SDK1: variants seen among roughly 807,000 people sequenced by gnomAD.
SDK1 encodes the protein sidekick cell adhesion molecule 1.
SDK1 carries 157 observed loss-of-function variants against 245.5 expected under a neutral mutation model. The ratio of observed to expected loss-of-function variants is 0.64; its 90% CI spans 0.56 to 0.73. The LOEUF (loss-of-function observed/expected upper bound fraction) is 0.73. Among genes scored for constraint, SDK1 ranks in the 30% least tolerant of loss-of-function variants. SDK1 has a pLI of 0.00. For missense variants in SDK1, 3,583 were observed against 3,002.3 expected, an observed-to-expected ratio of 1.19 and a Z score of -4.52; for synonymous variants, 1,647 against 1,278.5, an observed-to-expected ratio of 1.29 and a Z score of -6.15.
Position 4,099,486 on chromosome 7 carries a change from T to C in SDK1, c.3325-11177T>C, listed in dbSNP as rs186985799. ...TCACAGTCTCAGCGGGCTCCGGGGC[T>C]GGGGGCTGTTCCTGCTGTCAGATGC... On this transcript the variant is annotated intron_variant, in intron 22 of 44. Coordinates refer to ENST00000404826, the MANE Select transcript of SDK1 (RefSeq NM_152744.4). Among the ~76,000 whole-genome samples, 162 of 122,408 alleles carry C rather than the reference T, an allele frequency of 1.3e-3. 1 individual carries two copies. Among genetic ancestry groups the C allele is most frequent in the African/African-American group, 4.7e-3 (154 of 32,680 alleles). The allele number at this position is 122,408 out of a possible 152,430, so 80.3% of individuals were successfully genotyped here. A position where few individuals can be genotyped will look rare whatever the true frequency, so the allele number is the denominator to read the frequency against.
At chr7:3,959,137 C>G (rs1781481216) in intron 8 of SDK1, 123 bp downstream of exon 8, 1 of 789,620 alleles carries the variant, frequency 1.3e-6, no homozygotes, top group Non-Finnish European at 2.2e-6. Context: ...GAGCAGACTT[C>G]AGAGAGTAGA....
intron 4 of SDK1, among the ~76,000 whole-genome samples, chr7:3,725,825 C>G (rs1778991298): frequency 6.6e-6 from 1 of 152,160 alleles, no homozygotes; most frequent in Non-Finnish European, 1.5e-5. Flanking sequence ...GATTTGAAAC[C>G]ACAATTTACT....
In SDK1 at chr7:4,267,589, G is replaced by T; in HGVS notation, c.*2205G>T. 1.0e-6 allele frequency: 1 copy of T among 985,458 alleles called. No homozygotes were observed. Among genetic ancestry groups the T allele is most frequent in the Non-Finnish European group, 1.2e-6 (1 of 829,936 alleles). The allele number at this position is 985,458 out of a possible 1,614,324, so 61.0% of individuals were successfully genotyped here. On this transcript the variant is annotated 3_prime_UTR_variant, in exon 45 of 45. Transcript: ENST00000404826. ...ATAAATGGAGACCATGGCCAGCGCT[G>T]CTTTCTGTGCACTCTGATGACTGCT...
chr7:3,498,577 G>A (rs540983334), intron 1 of SDK1, among the ~76,000 whole-genome samples: 1 of 152,078 alleles, frequency 6.6e-6, no homozygotes, highest in Non-Finnish European at 1.5e-5. Flanking sequence ...ACCATTGATA[G>A]CTATTACTTC....
intron 4 of SDK1, among the ~76,000 whole-genome samples, chr7:3,694,381 T>C (rs932123685): frequency 6.6e-6 from 1 of 152,118 alleles, no homozygotes; most frequent in South Asian, 2.1e-4. Context: ...CCTCCTCTCA[T>C]AGACACTCAC....
At chr7:3,740,523 C>T (rs1465897129) in intron 4 of SDK1, among the ~76,000 whole-genome samples, 1 of 152,104 alleles carries the variant, frequency 6.6e-6, no homozygotes, top group African/African-American at 2.4e-5. Flanking sequence ...ACAGGCAAGC[C>T]TAAGAATGGA....
intron 40 of SDK1, 137 bp downstream of exon 40, chr7:4,221,501 G>A (rs1055525076): frequency 1.8e-6 from 2 of 1,088,588 alleles, no homozygotes; most frequent in African/African-American, 1.6e-5. Flanking sequence ...CGGTTTTGGT[G>A]AAAGAAGACA....
intron 1 of SDK1, among the ~76,000 whole-genome samples, chr7:3,600,914 T>C (rs1272322324): frequency 6.6e-6 from 1 of 152,130 alleles, no homozygotes; most frequent in Non-Finnish European, 1.5e-5. Context: ...CCTAATTCGG[T>C]GAATAGTTTT....
In SDK1 at chr7:3,496,984, C is replaced by G. The variant is rs62440161; in HGVS notation, c.299-122096C>G. ...ATTTTAATTTCTATCCCTCCACATT[C>G]TCGGCACAGAATAATTAAGAGTATA... On this transcript the variant is annotated intron_variant, in intron 1 of 44. Coordinates refer to ENST00000404826, the MANE Select transcript of SDK1 (RefSeq NM_152744.4). Among the ~76,000 whole-genome samples the G allele has an allele frequency of 2.6e-5, 4 of 152,272 alleles. 1 individual carries two copies. In the South Asian group the frequency reaches 6.2e-4, roughly 24 times the overall value.
intron 1 of SDK1, among the ~76,000 whole-genome samples, chr7:3,545,635 A>G (rs1048873663): frequency 2.0e-5 from 3 of 152,066 alleles, no homozygotes; most frequent in African/African-American, 7.2e-5. Flanking sequence ...CCACCTGGCA[A>G]CCCTCTGCTA....
chr7:3,424,827 G>A (rs1415032851), intron 1 of SDK1, among the ~76,000 whole-genome samples: 1 of 152,288 alleles, frequency 6.6e-6, no homozygotes, highest in African/African-American at 2.4e-5. Flanking sequence ...AGCCCAGGAA[G>A]TCAAGGCTGC....
chr7:3,382,787 T>C (rs1308280573), intron 1 of SDK1, among the ~76,000 whole-genome samples: 1 of 152,174 alleles, frequency 6.6e-6, no homozygotes, highest in Non-Finnish European at 1.5e-5. Context: ...TGAATAGTTT[T>C]TTGGGGCATT....
At chr7:4,101,231 T>G (rs1350251755) in intron 22 of SDK1, among the ~76,000 whole-genome samples, 1 of 148,892 alleles carries the variant, frequency 6.7e-6, no homozygotes, top group Non-Finnish European at 1.5e-5. Flanking sequence ...AAGCTCCGCC[T>G]CCCGGGTTCA....
At chr7:4,035,129 C>T (rs965410390) in intron 17 of SDK1, among the ~76,000 whole-genome samples, 9 of 151,772 alleles carry the variant, frequency 5.9e-5, no homozygotes, top group African/African-American at 1.9e-4. Context: ...CAAGCACGTA[C>T]CACCATGCCC....
intron 4 of SDK1, among the ~76,000 whole-genome samples, chr7:3,685,481 A>T (rs1784252663): frequency 6.6e-6 from 1 of 152,216 alleles, no homozygotes; most frequent in Non-Finnish European, 1.5e-5. Flanking sequence ...TCTAAACAGA[A>T]ATAATAGAAT....
At chr7:4,132,497 G>A (rs1784906905) in intron 28 of SDK1, 74 bp downstream of exon 28, 1 of 1,082,520 alleles carries the variant, frequency 9.2e-7, no homozygotes, top group African/African-American at 1.5e-5. Context: ...CGAGGCAGGT[G>A]GTTTGCTTGA....
chr7:3,455,381 CTT>C (rs200085335), intron 1 of SDK1, among the ~76,000 whole-genome samples: 23 of 140,684 alleles, frequency 1.6e-4, no homozygotes, highest in African/African-American at 4.4e-4. Context: ...ATTTTCTTTC[CTT>C]TTTTTTTTTT....
rs559505187 is a variant in SDK1, at chr7:4,174,147, G to A, written c.4801-75G>A. The A allele has an allele frequency of 4.6e-5, 70 of 1,526,160 alleles. 1 individual carries two copies. The South Asian group carries it at 5.2e-4, about 11-fold the overall frequency. 94.5% of individuals were successfully genotyped at this position (1,526,160 alleles called of 1,614,324 possible). ...TGTGCAGCTGGCTAGTTAAACAGGGGTGGAGGTGAGCCCTGCTGCAGGCCA... is the reference window on the plus strand; with the variant it reads ...TGTGCAGCTGGCTAGTTAAACAGGGATGGAGGTGAGCCCTGCTGCAGGCCA... On this transcript the variant is annotated intron_variant, in intron 32 of 44. Coordinates refer to ENST00000404826, the MANE Select transcript of SDK1 (RefSeq NM_152744.4).
At chr7:3,803,337 G>C (rs1779154999) in intron 4 of SDK1, among the ~76,000 whole-genome samples, 1 of 145,048 alleles carries the variant, frequency 6.9e-6, no homozygotes, top group Non-Finnish European at 1.5e-5. Flanking sequence ...TGGAAACAAA[G>C]TCTTACTCTA....
Sources: allele counts gnomAD v4.1 joint callset (sites outside exome capture counted in the v4.1 genomes callset), GRCh38; gene constraint gnomAD v4.1.1; transcripts MANE v1.5; gene names NCBI Gene and HGNC (gene_info 2026-07-23, HGNC 2026-07-21).